STIM2: variants seen among roughly 807,000 people sequenced by gnomAD.
The protein encoded by STIM2 is stromal interaction molecule 2.
STIM2 carries 31 observed loss-of-function variants against 85.8 expected under a neutral mutation model. The observed-to-expected ratio is 0.36, with a 90% CI of 0.27 to 0.49. STIM2 has a LOEUF of 0.49. Ranked by LOEUF, STIM2 falls within the 20% of genes least tolerant of loss-of-function variation. STIM2 has a pLI of 0.98. For synonymous variants in STIM2, 356 were observed against 331.1 expected, an observed-to-expected ratio of 1.08 and a Z score of -0.82; for missense variants, 841 against 927.6, an observed-to-expected ratio of 0.91 and a Z score of 1.21.
chr4:26,940,025 G>A (rs1321947980), intron 2 of STIM2, among the ~76,000 whole-genome samples: 1 of 152,150 alleles, frequency 6.6e-6, no homozygotes, highest in Non-Finnish European at 1.5e-5. Flanking sequence ...GCGTAGAGTC[G>A]TTAAGACGAA....
In STIM2 at chr4:27,008,137, A is replaced by G. The variant is rs7689439; in HGVS notation, c.1150-291A>G. On this transcript the variant is annotated intron_variant, in intron 8 of 11. Coordinates refer to ENST00000467087, the MANE Select transcript of STIM2 (RefSeq NM_020860.4). ...AGCACCATTGTAGTATAATATAGCT[A>G]ATGTTCTTCTGTTACTTTTAGTACA... 6.6e-3 allele frequency: 3,967 copies of G among 601,566 alleles called. 130 individuals carry two copies. In the African/African-American group the frequency reaches 0.068, roughly 10 times the overall value. The allele number at this position is 601,566 out of a possible 1,614,324, so 37.3% of individuals were successfully genotyped here. A position where few individuals can be genotyped will look rare whatever the true frequency, so the allele number is the denominator to read the frequency against.
intron 2 of STIM2, among the ~76,000 whole-genome samples, chr4:26,927,712 AAT>A: frequency 1.7e-5 from 2 of 116,828 alleles, no homozygotes; most frequent in African/African-American, 3.8e-5. Context: ...AAAAAACTTG[AAT>A]AAAAAAAAAA....
intron 1 of STIM2, among the ~76,000 whole-genome samples, chr4:26,894,947 C>T (rs1259310202): frequency 6.6e-6 from 1 of 152,210 alleles, no homozygotes; most frequent in Non-Finnish European, 1.5e-5. Context: ...TGCGGTGGCT[C>T]ACATCTGTAA....
chr4:27,001,191 G>A (rs904907524), intron 5 of STIM2, among the ~76,000 whole-genome samples: 1 of 152,186 alleles, frequency 6.6e-6, no homozygotes, highest in African/African-American at 2.4e-5. Flanking sequence ...GGAGGCCTGG[G>A]CATTTAGGCA....
At chr4:26,882,839 C>CT (rs59438121) in intron 1 of STIM2, among the ~76,000 whole-genome samples, 5,741 of 137,212 alleles carry the variant, frequency 0.042, 227 homozygotes, top group African/African-American at 0.11. Flanking sequence ...CCTTTTCTTT[C>CT]TTTTTTTTTT....
At chr4:26,865,382 G>T (rs1722365867) in intron 1 of STIM2, among the ~76,000 whole-genome samples, 2 of 152,158 alleles carry the variant, frequency 1.3e-5, no homozygotes, top group Non-Finnish European at 2.9e-5. Context: ...AGCATTCAGA[G>T]GGCCAGTTAG....
chr4:26,986,014 G>A (rs1356806547), intron 3 of STIM2, among the ~76,000 whole-genome samples: 1 of 152,218 alleles, frequency 6.6e-6, no homozygotes, highest in Non-Finnish European at 1.5e-5. Context: ...GGTTTCCTCA[G>A]AACGCAGGAG....
intron 1 of STIM2, among the ~76,000 whole-genome samples, chr4:26,898,543 T>C (rs923636315): frequency 5.9e-5 from 9 of 152,302 alleles, no homozygotes; most frequent in Non-Finnish European, 8.8e-5. Flanking sequence ...ATCCAATATA[T>C]TGGTGTTGCA....
chr4:27,020,327 A>G (rs1045239088), intron 11 of STIM2, among the ~76,000 whole-genome samples: 1 of 152,232 alleles, frequency 6.6e-6, no homozygotes, highest in Non-Finnish European at 1.5e-5. Flanking sequence ...ATTCTGTTCA[A>G]TTAATGGACA....
chr4:26,911,134 G>A (rs924907772), intron 1 of STIM2, among the ~76,000 whole-genome samples: 1 of 152,076 alleles, frequency 6.6e-6, no homozygotes, highest in Non-Finnish European at 1.5e-5. Context: ...CTACTCAGGA[G>A]GCTGAGGCAG....
chr4:26,904,366 A>G (rs1054194248), intron 1 of STIM2, among the ~76,000 whole-genome samples: 1 of 152,184 alleles, frequency 6.6e-6, no homozygotes, highest in African/African-American at 2.4e-5. Flanking sequence ...CACCATAGTC[A>G]GTATAATGAA....
intron 11 of STIM2, chr4:27,019,527 T>C: frequency 7.9e-7 from 1 of 1,270,466 alleles, no homozygotes; most frequent in Non-Finnish European, 1.0e-6. Context: ...GAACGTTCAG[T>C]TCTCATTTCA....
intron 7 of STIM2, 40 bp from the exon 8 acceptor site, chr4:27,007,489 TCCTC>T: frequency 7.4e-7 from 1 of 1,348,272 alleles, no homozygotes; most frequent in Non-Finnish European, 9.8e-7. Flanking sequence ...AATCCTTCCT[TCCTC>T]CCTCTCTCCT....
intron 3 of STIM2, among the ~76,000 whole-genome samples, chr4:26,974,053 C>T (rs1430173540): frequency 6.6e-6 from 1 of 152,228 alleles, no homozygotes; most frequent in East Asian, 1.9e-4. Flanking sequence ...ACTAGGATTG[C>T]AACTGCTGCT....
intron 1 of STIM2, 106 bp from the exon 2 acceptor site, chr4:26,919,398 C>G (rs188467728): frequency 2.1e-6 from 3 of 1,458,694 alleles, no homozygotes; most frequent in Non-Finnish European, 2.8e-6. Context: ...CTTAGTTTAA[C>G]TTAGTCTGAA....
At chr4:27,007,815 T>A (rs576705375) in intron 8 of STIM2, 115 bp downstream of exon 8, 18 of 1,163,774 alleles carry the variant, frequency 1.5e-5, no homozygotes, top group Non-Finnish European at 2.1e-5. Context: ...ACAGATTCTT[T>A]TTTCAAACTG....
intron 3 of STIM2, among the ~76,000 whole-genome samples, chr4:26,959,345 TAA>T (rs2109094838): frequency 1.3e-5 from 2 of 152,270 alleles, no homozygotes; most frequent in South Asian, 4.2e-4. Context: ...CCTCCTTTGT[TAA>T]AGTCTTTATC....
chr4:26,907,376 C>A (rs1724170073), intron 1 of STIM2, among the ~76,000 whole-genome samples: 2 of 152,122 alleles, frequency 1.3e-5, no homozygotes, highest in Non-Finnish European at 2.9e-5. Context: ...TTAGAGTTAG[C>A]TGTCACTTCT....
intron 1 of STIM2, among the ~76,000 whole-genome samples, chr4:26,887,576 G>A (rs866517160): frequency 2.0e-5 from 3 of 152,076 alleles, no homozygotes; most frequent in Non-Finnish European, 4.4e-5. Context: ...AAATCTTTCA[G>A]TACTTTCTTT....
Sources: allele counts gnomAD v4.1 joint callset (sites outside exome capture counted in the v4.1 genomes callset), GRCh38; gene constraint gnomAD v4.1.1; transcripts MANE v1.5; gene names NCBI Gene and HGNC (gene_info 2026-07-23, HGNC 2026-07-21).